RND1: variants seen among roughly 807,000 people sequenced by gnomAD.
The protein encoded by RND1 is Rho family GTPase 1.
In RND1, 9 loss-of-function variants were observed where a neutral mutation model predicts 27.1. That is an observed-to-expected ratio of 0.33 (90% CI 0.20 to 0.58). The LOEUF (loss-of-function observed/expected upper bound fraction) is 0.58, where lower values mean the gene tolerates loss of function less well. RND1 is among the 20% of genes least tolerant of loss of function. The pLI is 0.86. For synonymous variants in RND1, 108 were observed against 115.7 expected, an observed-to-expected ratio of 0.93 and a Z score of 0.43; for missense variants, 253 against 292.2, an observed-to-expected ratio of 0.87 and a Z score of 0.98.
Position 48,862,132 on chromosome 12 carries a change from GA to G in RND1, c.209-15del. The G allele has an allele frequency of 6.7e-7, 1 of 1,503,634 alleles. No homozygotes were observed. The allele number at this position is 1,503,634 out of a possible 1,614,324, so 93.1% of individuals were successfully genotyped here. On this transcript the variant is annotated splice_polypyrimidine_tract_variant and intron_variant, in intron 2 of 4. Coordinates refer to ENST00000309739, the MANE Select transcript of RND1 (RefSeq NM_014470.4). ...AGTAGGGAGATCCTGGTGTAGGCCA[GA>G]AAGAGCTGATGGTGAGCCATGGTGT...
At chr12:48,859,459 G>C (rs1938889246) in intron 4 of RND1, among the ~76,000 whole-genome samples, 1 of 152,002 alleles carries the variant, frequency 6.6e-6, no homozygotes, top group Non-Finnish European at 1.5e-5. Context: ...AGAATCTCTT[G>C]AACCCGGGAG....
rs545099199 is a variant in RND1, at chr12:48,858,160, T to C, written c.535A>G (p.Ile179Val). Reference protein sequence around the residue: ...AFTSEKSIHSIFRTASMLCLN... With the variant: ...AFTSEKSIHSVFRTASMLCLN... ...CACAGCATGGATGCCGTCCGAAAGA[T>C]GCTGTGGATGCTCTTTTCTGAGGTG... Residue 179 changes from isoleucine to valine, a missense_variant, in exon 5 of 5, where the codon ATC becomes GTC. By Grantham distance (29) the Ile-to-Val change is conservative. Transcript: ENST00000309739. 316 of 1,614,112 alleles carry C rather than the reference T, an allele frequency of 2.0e-4. 1 individual carries two copies. The South Asian group carries it at 3.3e-3, about 17-fold the overall frequency.
In RND1 at chr12:48,865,849, G is replaced by A. The variant is rs971760039; in HGVS notation, c.-82C>T. On this transcript the variant is annotated 5_prime_UTR_variant, in exon 1 of 5. Coordinates refer to ENST00000309739, the MANE Select transcript of RND1 (RefSeq NM_014470.4). ...GCGTCTCAGCACGCCAATCAAGCCAGATTCCCTGCCTCCCTCCAACTGAGG... is the reference window on the plus strand; with the variant it reads ...GCGTCTCAGCACGCCAATCAAGCCAAATTCCCTGCCTCCCTCCAACTGAGG... 1.3e-6 allele frequency: 2 copies of A among 1,509,594 alleles called. No homozygotes were observed. The highest frequency in any genetic ancestry group is 1.8e-6 in the Non-Finnish European group (2 of 1,127,726). 93.5% of individuals were successfully genotyped at this position (1,509,594 alleles called of 1,614,324 possible). A position where few individuals can be genotyped will look rare whatever the true frequency, so the allele number is the denominator to read the frequency against.
chr12:48,864,685 A>T, intron 2 of RND1, 98 bp downstream of exon 2: 3 of 919,568 alleles, frequency 3.3e-6, no homozygotes, highest in Admixed American at 3.6e-5. Context: ...CTCTTTTTTC[A>T]CTTCTCCCCA....
chr12:48,864,249 A>T (rs1485613581), intron 2 of RND1, among the ~76,000 whole-genome samples: 1 of 152,176 alleles, frequency 6.6e-6, no homozygotes, highest in African/African-American at 2.4e-5. Flanking sequence ...GCAGTGGCCC[A>T]AGATGGAATG....
chr12:48,859,911 G>C (rs906000725), intron 4 of RND1, among the ~76,000 whole-genome samples: 1 of 152,002 alleles, frequency 6.6e-6, no homozygotes, highest in Non-Finnish European at 1.5e-5. Flanking sequence ...TGTTGCCCAG[G>C]GATTACAGGT....
At chr12:48,864,199 A>AGC (rs776747104) in intron 2 of RND1, among the ~76,000 whole-genome samples, 72 of 152,222 alleles carry the variant, frequency 4.7e-4, no homozygotes, top group East Asian at 2.1e-3. Flanking sequence ...CCCGAGCTGC[A>AGC]GCGGTGTGAC....
intron 2 of RND1, 82 bp from the exon 3 acceptor site, chr12:48,862,200 A>C: frequency 1.0e-5 from 8 of 769,354 alleles, no homozygotes; most frequent in Non-Finnish European, 1.8e-5. Flanking sequence ...CCCTGGGAAT[A>C]CCATCCTCAA....
At position 48,864,412 on chromosome 12, in the gene RND1, T is replaced by TGC. The variant is rs1280411103; in HGVS notation, c.208+370_208+371insGC. Among the ~76,000 whole-genome samples, 255 of 112,388 alleles carry TGC rather than the reference T, an allele frequency of 2.3e-3. 2 individuals are homozygous for TGC. The highest frequency in any genetic ancestry group is 7.9e-3 in the African/African-American group (221 of 28,006). 73.7% of individuals were successfully genotyped at this position (112,388 alleles called of 152,430 possible). A position where few individuals can be genotyped will look rare whatever the true frequency, so the allele number is the denominator to read the frequency against. ...GTGTGTGTGTGTGTGTGTGTGTGTGTGTGTGCGCGCGCGCGCGTGTGTGTG... is the reference window on the plus strand; with the variant it reads ...GTGTGTGTGTGTGTGTGTGTGTGTGTGCGTGTGCGCGCGCGCGCGTGTGTGTG... On this transcript the variant is annotated intron_variant, in intron 2 of 4. Coordinates refer to ENST00000309739, the MANE Select transcript of RND1 (RefSeq NM_014470.4).
intron 2 of RND1, among the ~76,000 whole-genome samples, chr12:48,864,440 T>C (rs1938961186): frequency 6.8e-6 from 1 of 146,004 alleles, no homozygotes; most frequent in Non-Finnish European, 1.5e-5. Flanking sequence ...TGTGTGTGCA[T>C]GTGTGTACGC....
chr12:48,858,391 T>TC, intron 4 of RND1, 150 bp from the exon 5 acceptor site: 2 of 272,186 alleles, frequency 7.3e-6, no homozygotes, highest in Non-Finnish European at 1.2e-5. Flanking sequence ...TATCTTTTCT[T>TC]TTTTTTTTTT....
chr12:48,864,541 C>A (rs1157661957), intron 2 of RND1, among the ~76,000 whole-genome samples: 1 of 151,984 alleles, frequency 6.6e-6, no homozygotes. Flanking sequence ...ACCTCACCAT[C>A]CCAGCCCTCT....
At chr12:48,858,868 T>TG (rs1938878545) in intron 4 of RND1, 1 of 131,320 alleles carries the variant, frequency 7.6e-6, no homozygotes, top group African/African-American at 2.9e-5. Flanking sequence ...AGTAAGACCC[T>TG]GTCTCTGGAA....
intron 2 of RND1, among the ~76,000 whole-genome samples, chr12:48,864,412 TGTGTGC>T (rs1308628713): frequency 1.8e-5 from 2 of 112,296 alleles, no homozygotes; most frequent in African/African-American, 7.2e-5. Flanking sequence ...TGTGTGTGTG[TGTGTGC>T]GCGCGCGCGC....
chr12:48,861,948 G>T, intron 3 of RND1, 61 bp downstream of exon 3: 1 of 968,942 alleles, frequency 1.0e-6, no homozygotes, highest in African/African-American at 1.6e-5. Flanking sequence ...TCATGACAAG[G>T]TCCCGATTCC....
intron 3 of RND1, among the ~76,000 whole-genome samples, chr12:48,861,436 C>T (rs1256335672): frequency 1.3e-5 from 2 of 152,196 alleles, no homozygotes; most frequent in Non-Finnish European, 2.9e-5. Context: ...AGGCATGGAT[C>T]TGCCCCCTCA....
chr12:48,865,568 G>A, intron 1 of RND1, 80 bp downstream of exon 1: 1 of 1,496,344 alleles, frequency 6.7e-7, no homozygotes, highest in Non-Finnish European at 9.1e-7. Flanking sequence ...GGGGAGCCAC[G>A]TCTCCTGAGC....
intron 4 of RND1, chr12:48,858,635 G>C: frequency 6.1e-6 from 1 of 164,546 alleles, no homozygotes; most frequent in East Asian, 1.7e-4. Context: ...GTGGCCGGGC[G>C]CGGTGGCTTA....
At position 48,862,070 on chromosome 12, in the gene RND1, T is replaced by A. The variant is rs1565683572; in HGVS notation, c.257A>T (p.Asp86Val). 1 of 1,613,812 alleles carries A rather than the reference T, an allele frequency of 6.2e-7. No homozygotes were observed. The highest frequency in any genetic ancestry group is 8.5e-7 in the Non-Finnish European group (1 of 1,179,702). Residue 86 changes from aspartate to valine, a missense_variant, in exon 3 of 5, where the codon GAT becomes GTT. Coordinates refer to ENST00000309739, the MANE Select transcript of RND1 (RefSeq NM_014470.4). ...GATGTCAAAACATAGTAATACTGCA[T>A]CCGAGTCGCTGTAGCAGAGTGGACG... Reference protein sequence around the residue: ...NVRPLCYSDSDAVLLCFDISR... With the variant: ...NVRPLCYSDSVAVLLCFDISR...
Sources: gnomAD v4.1 joint callset for allele counts (sites outside exome capture counted in the v4.1 genomes callset) on GRCh38, gnomAD v4.1.1 for gene constraint, MANE v1.5 for transcripts, NCBI Gene and HGNC (gene_info 2026-07-23, HGNC 2026-07-21) for gene names.